Variants in MARCHF3 observed in about 807,000 individuals in gnomAD.
The protein encoded by MARCHF3 is E3 ubiquitin-protein ligase MARCHF3.
In MARCHF3, 13 loss-of-function variants were observed where a neutral mutation model predicts 24.2. The ratio of observed to expected loss-of-function variants is 0.54; its 90% confidence interval spans 0.35 to 0.85. The LOEUF is 0.85. MARCHF3 is among the 40% of genes least tolerant of loss of function. The pLI, the probability that MARCHF3 is intolerant of heterozygous loss-of-function variation, is 0.01. For synonymous variants in MARCHF3, 144 were observed against 137.3 expected, an observed-to-expected ratio of 1.05 and a Z score of -0.34; for missense variants, 276 against 325.0, an observed-to-expected ratio of 0.85 and a Z score of 1.16.
At chr5:126,954,657 C>T (rs768190566) in intron 1 of MARCHF3, among the ~76,000 whole-genome samples, 79 of 151,480 alleles carry the variant, frequency 5.2e-4, no homozygotes, top group Admixed American at 9.2e-4. Context: ...AGGCGTGACC[C>T]ACCATGCCTG....
chr5:126,969,983 A>C (rs1750945341), intron 1 of MARCHF3, among the ~76,000 whole-genome samples: 1 of 152,242 alleles, frequency 6.6e-6, no homozygotes, highest in African/African-American at 2.4e-5. Flanking sequence ...CTACTGAGAA[A>C]TTCAAGAGGC....
At chr5:126,980,482 T>C (rs1461642979) in intron 1 of MARCHF3, among the ~76,000 whole-genome samples, 1 of 151,966 alleles carries the variant, frequency 6.6e-6, no homozygotes, top group Non-Finnish European at 1.5e-5. Flanking sequence ...GTGATTCCCC[T>C]GCCTCAGCCT....
At chr5:126,979,863 G>A (rs957660769) in intron 1 of MARCHF3, among the ~76,000 whole-genome samples, 7 of 148,328 alleles carry the variant, frequency 4.7e-5, no homozygotes, top group Non-Finnish European at 1.0e-4. Flanking sequence ...CAGGAGAACC[G>A]CTTGAACCCG....
At chr5:126,976,030 G>C (rs1006610816) in intron 1 of MARCHF3, among the ~76,000 whole-genome samples, 7 of 152,104 alleles carry the variant, frequency 4.6e-5, no homozygotes, top group African/African-American at 1.4e-4. Context: ...GTGCAAAAAA[G>C]CTCCTTCAAC....
rs1481459734 is a variant in MARCHF3, at chr5:126,989,283, ATACTACTACTACTACTACTACTAGTAC to A, written c.-57+41040_-57+41066del. On this transcript the variant is annotated intron_variant, in intron 1 of 4. Coordinates refer to ENST00000308660, the MANE Select transcript of MARCHF3 (RefSeq NM_178450.5). ...GACAGAGAGAGACCCTGTCTCTAGA[ATACTACTACTACTACTACTACTAGTAC>A]TACTACTACTACTACTACTACTACT... Among the ~76,000 whole-genome samples, 5 of 150,116 alleles carry A rather than the reference ATACTACTACTACTACTACTACTAGTAC, an allele frequency of 3.3e-5. No individual in the cohort carries two copies. In the East Asian group the frequency reaches 7.7e-4, roughly 23 times the overall value.
chr5:126,967,605 A>G (rs1397533291), intron 1 of MARCHF3, among the ~76,000 whole-genome samples: 1 of 152,142 alleles, frequency 6.6e-6, no homozygotes, highest in African/African-American at 2.4e-5. Flanking sequence ...AGGCAGGAGA[A>G]TTGCTTGAAC....
intron 4 of MARCHF3, among the ~76,000 whole-genome samples, chr5:126,875,137 C>G (rs1444017983): frequency 6.6e-6 from 1 of 152,232 alleles, no homozygotes; most frequent in East Asian, 1.9e-4. Flanking sequence ...TCAGCCAGCT[C>G]TCTTTGTGTC....
intron 1 of MARCHF3, among the ~76,000 whole-genome samples, chr5:126,938,545 A>T (rs1374534722): frequency 6.6e-6 from 1 of 151,896 alleles, no homozygotes. Flanking sequence ...AAAAAAGCAA[A>T]AAAAGCAAAA....
intron 3 of MARCHF3, among the ~76,000 whole-genome samples, chr5:126,895,046 T>G (rs1321295705): frequency 6.6e-6 from 1 of 152,094 alleles, no homozygotes; most frequent in Non-Finnish European, 1.5e-5. Context: ...CCTTCTCGCT[T>G]CATTTCATTC....
chr5:126,945,999 G>A (rs1025809560), intron 1 of MARCHF3, among the ~76,000 whole-genome samples: 8 of 152,124 alleles, frequency 5.3e-5, no homozygotes, highest in African/African-American at 1.9e-4. Flanking sequence ...TAGTCTTCTG[G>A]TAGTCTAGGT....
At chr5:126,988,174 A>G (rs1261569973) in intron 1 of MARCHF3, among the ~76,000 whole-genome samples, 1 of 152,078 alleles carries the variant, frequency 6.6e-6, no homozygotes, top group Admixed American at 6.6e-5. Context: ...CCACACACAC[A>G]TAAACTCCTG....
intron 1 of MARCHF3, among the ~76,000 whole-genome samples, chr5:127,003,071 A>G (rs1410818297): frequency 6.6e-6 from 1 of 152,040 alleles, no homozygotes; most frequent in African/African-American, 2.4e-5. Context: ...CCCAGATCCT[A>G]GCAGGTGCCC....
intron 3 of MARCHF3, among the ~76,000 whole-genome samples, chr5:126,905,597 C>T (rs1189503393): frequency 2.0e-5 from 3 of 152,046 alleles, no homozygotes; most frequent in African/African-American, 7.2e-5. Context: ...GGAGTTCACT[C>T]ATGATTTGGC....
intron 1 of MARCHF3, among the ~76,000 whole-genome samples, chr5:127,000,792 G>T (rs1351908200): frequency 1.3e-5 from 2 of 151,830 alleles, no homozygotes; most frequent in Non-Finnish European, 2.9e-5. Flanking sequence ...TCCACCTCCC[G>T]AGTAGCTGGG....
At chr5:126,972,245 TAA>T (rs747060453) in intron 1 of MARCHF3, among the ~76,000 whole-genome samples, 45 of 58,664 alleles carry the variant, frequency 7.7e-4, no homozygotes, top group Admixed American at 1.1e-3. Context: ...ATTAAAGAAC[TAA>T]AAAAAAAAAA....
chr5:126,928,127 C>T (rs897540595), intron 1 of MARCHF3, among the ~76,000 whole-genome samples: 1 of 152,182 alleles, frequency 6.6e-6, no homozygotes, highest in African/African-American at 2.4e-5. Context: ...GAAAATAACA[C>T]TTATGCCCCC....
At chr5:127,017,509 T>C (rs1006083131) in intron 1 of MARCHF3, among the ~76,000 whole-genome samples, 1 of 152,208 alleles carries the variant, frequency 6.6e-6, no homozygotes, top group Non-Finnish European at 1.5e-5. Flanking sequence ...TAGAACATCA[T>C]AGTTTAGCTT....
chr5:126,893,252 G>A (rs4404728), intron 3 of MARCHF3, among the ~76,000 whole-genome samples: 70,413 of 150,764 alleles, frequency 0.47, 17,015 homozygotes, highest in East Asian at 0.64. Context: ...TCCTGGATTC[G>A]TTAATTTTTT....
At chr5:126,951,519 G>A (rs1290899057) in intron 1 of MARCHF3, among the ~76,000 whole-genome samples, 1 of 152,146 alleles carries the variant, frequency 6.6e-6, no homozygotes, top group East Asian at 1.9e-4. Flanking sequence ...CAACAAAACT[G>A]TTCTATCTGC....
Sources: allele counts gnomAD v4.1 joint callset (sites outside exome capture counted in the v4.1 genomes callset), GRCh38; gene constraint gnomAD v4.1.1; transcripts MANE v1.5; gene names NCBI Gene and HGNC (gene_info 2026-07-23, HGNC 2026-07-21).